The following COQ8A variants were observed in gnomAD, a reference collection of about 807,000 sequenced individuals.
COQ8A encodes atypical kinase COQ8A, mitochondrial.
A neutral mutation model predicts 65.0 loss-of-function variants in COQ8A; 51 were observed. The ratio of observed to expected loss-of-function variants is 0.78; its 90% CI spans 0.63 to 0.99. The LOEUF (loss-of-function observed/expected upper bound fraction) is 0.99. Among genes scored for constraint, COQ8A ranks in the 50% least tolerant of loss-of-function variants. The pLI is 0.00. For missense variants in COQ8A, 940 were observed against 875.0 expected, an observed-to-expected ratio of 1.07 and a Z score of -0.94; for synonymous variants, 371 against 353.2, an observed-to-expected ratio of 1.05 and a Z score of -0.57.
At chr1:226,977,321 C>G in intron 4 of COQ8A, 128 bp from the exon 5 acceptor site, 1 of 795,018 alleles carries the variant, frequency 1.3e-6, no homozygotes, top group Non-Finnish European at 2.0e-6. Flanking sequence ...TTTCAAAATG[C>G]TGGTGTGGCA....
intron 4 of COQ8A, among the ~76,000 whole-genome samples, chr1:226,966,279 G>A (rs1179506532): frequency 1.3e-5 from 2 of 152,218 alleles, no homozygotes; most frequent in African/African-American, 4.8e-5. Flanking sequence ...CCGTTTGTCT[G>A]TACTTTGGGG....
At chr1:226,969,532 G>A (rs556952089) in intron 4 of COQ8A, among the ~76,000 whole-genome samples, 3 of 152,096 alleles carry the variant, frequency 2.0e-5, no homozygotes, top group Non-Finnish European at 4.4e-5. Flanking sequence ...CACCGCGCCC[G>A]GCCAGATTTA....
chr1:226,978,788 C>A (rs1659491890), intron 5 of COQ8A, among the ~76,000 whole-genome samples: 1 of 109,002 alleles, frequency 9.2e-6, no homozygotes, highest in East Asian at 2.6e-4. Context: ...ACACACCCAC[C>A]TCTCACCCGC....
intron 4 of COQ8A, 127 bp downstream of exon 4, chr1:226,965,864 G>A (rs1219174228): frequency 3.1e-6 from 3 of 961,148 alleles, no homozygotes; most frequent in East Asian, 2.6e-5. Context: ...GGCGGTGGCC[G>A]CCCCTGCATG....
chr1:226,960,421 T>TTGGTGGTGATGGTACTTGG (rs1658145487), intron 1 of COQ8A, among the ~76,000 whole-genome samples: 2 of 135,904 alleles, frequency 1.5e-5, no homozygotes, highest in Non-Finnish European at 3.1e-5. Flanking sequence ...GCGGTGGTAC[T>TTGGTGGTGATGGTACTTGG]TGGTGGTGGT....
intron 14 of COQ8A, among the ~76,000 whole-genome samples, chr1:226,986,037 C>T (rs1449733231): frequency 1.3e-5 from 2 of 152,182 alleles, no homozygotes; most frequent in African/African-American, 4.8e-5. Flanking sequence ...CGGCGGCTTC[C>T]TTAGGTTGCT....
At chr1:226,986,370 C>T (rs1660112817) in intron 14 of COQ8A, 83 bp from the exon 15 acceptor site, 19 of 1,468,740 alleles carry the variant, frequency 1.3e-5, no homozygotes, top group East Asian at 4.5e-5. Context: ...GAGAACTCAG[C>T]GCCCCGGGCA....
chr1:226,961,305 T>G, intron 1 of COQ8A, 72 bp from the exon 2 acceptor site: 1 of 1,509,618 alleles, frequency 6.6e-7, no homozygotes, highest in Non-Finnish European at 9.2e-7. Context: ...CAGAGTTTGG[T>G]GTGGAGTTGG....
rs376478331 is a variant in COQ8A at position 226,986,495 on chromosome 1, G to A, written c.1702G>A (p.Glu568Lys). 1 of 1,613,450 alleles carries A rather than the reference G, an allele frequency of 6.2e-7. No individual in the cohort carries two copies. The highest frequency in any genetic ancestry group is 2.2e-5 in the East Asian group (1 of 44,838). ...AHLDAILILGEAFASDEPFDF... is the reference protein window; with the variant it reads ...AHLDAILILGKAFASDEPFDF... ...CTTGGATGCCATCCTCATCCTGGGG[G>A]AGGCCTTCGCCTCTGATGAGCCTTT... The change falls in exon 15 of 15, where the codon GAG (glutamate) becomes AAG (lysine). Residue 568 changes from glutamate (E) to lysine (K), a missense_variant. Physicochemically the swap from Glu to Lys is moderately conservative, Grantham distance 56 (BLOSUM62 1). Coordinates refer to ENST00000366777, the MANE Select transcript of COQ8A (RefSeq NM_020247.5).
intron 6 of COQ8A, 72 bp downstream of exon 6, chr1:226,982,221 G>A: frequency 2.0e-6 from 3 of 1,529,348 alleles, no homozygotes; most frequent in South Asian, 1.2e-5. Context: ...AGGGCCGGGA[G>A]CAGTGGCCCC....
intron 4 of COQ8A, among the ~76,000 whole-genome samples, chr1:226,973,489 G>A (rs115566083): frequency 0.01 from 1,541 of 152,318 alleles, 30 homozygotes; most frequent in African/African-American, 0.034. Context: ...AGCCTGGCCA[G>A]GCTCTGTAAT....
chr1:226,965,420 G>T lies in COQ8A; in HGVS notation c.588+10G>T. The T allele has an allele frequency of 6.2e-7, 1 of 1,604,000 alleles. No individual in the cohort carries two copies. Among genetic ancestry groups the T allele is most frequent in the Non-Finnish European group, 8.5e-7 (1 of 1,176,842 alleles). ...GCAGCACAAACAGACGGTGCGTATG[G>T]GAGGCCCCTGGAGGGCCGAGGTAGC... On this transcript the variant is annotated intron_variant, in intron 3 of 14. Coordinates refer to ENST00000366777, the MANE Select transcript of COQ8A (RefSeq NM_020247.5).
At chr1:226,955,228 G>A (rs1043477452) in intron 1 of COQ8A, among the ~76,000 whole-genome samples, 6 of 151,990 alleles carry the variant, frequency 3.9e-5, no homozygotes, top group African/African-American at 9.7e-5. Flanking sequence ...AGTTTGGGAC[G>A]TACTTCCTAT....
chr1:226,979,483 C>CT (rs979978518), intron 5 of COQ8A, among the ~76,000 whole-genome samples: 1 of 151,950 alleles, frequency 6.6e-6, no homozygotes, highest in Non-Finnish European at 1.5e-5. Flanking sequence ...GGATCTTCCT[C>CT]AATGCCTCTG....
intron 12 of COQ8A, 54 bp from the exon 13 acceptor site, chr1:226,984,822 C>G: frequency 6.3e-7 from 1 of 1,592,414 alleles, no homozygotes; most frequent in Non-Finnish European, 8.6e-7. Context: ...CGGCCCCACA[C>G]ACCCGCACCA....
Position 226,982,948 on chromosome 1 carries a change from G to A in COQ8A, c.994G>A (p.Glu332Lys), listed in dbSNP as rs747548028. 8 of 1,609,746 alleles carry A rather than the reference G, an allele frequency of 5.0e-6. No individual in the cohort carries two copies. Among genetic ancestry groups the A allele is most frequent in the East Asian group, 2.2e-5 (1 of 44,650 alleles). Residue 332 changes from glutamate to lysine, a missense_variant, in exon 8 of 15, where the codon GAG becomes AAG. Transcript: ENST00000366777. ...CTGGCGGGACAAGTTGGAATACTTC[G>A]AGGAGCGGCCCTTCGCCGCCGCATC... is the stretch of plus-strand genomic sequence containing the variant. Reference protein sequence around the residue: ...PNWRDKLEYFEERPFAAASIG... With the variant: ...PNWRDKLEYFKERPFAAASIG...
At chr1:226,981,446 G>C (rs1659681974) in intron 5 of COQ8A, among the ~76,000 whole-genome samples, 1 of 152,242 alleles carries the variant, frequency 6.6e-6, no homozygotes, top group Non-Finnish European at 1.5e-5. Context: ...TGAGCTGCAG[G>C]GGGCCTCTGT....
intron 4 of COQ8A, among the ~76,000 whole-genome samples, chr1:226,973,102 G>T (rs1269598189): frequency 6.6e-6 from 1 of 152,244 alleles, no homozygotes; most frequent in Non-Finnish European, 1.5e-5. Flanking sequence ...TGTTGACAGG[G>T]CTGCATACAA....
At chr1:226,956,027 T>C (rs1305975092) in intron 1 of COQ8A, among the ~76,000 whole-genome samples, 10 of 108,564 alleles carry the variant, frequency 9.2e-5, no homozygotes, top group African/African-American at 2.9e-4. Context: ...CTCTCCCTGG[T>C]TCACACTCTC....
Sources: gnomAD v4.1 joint callset for allele counts (sites outside exome capture counted in the v4.1 genomes callset) on GRCh38, gnomAD v4.1.1 for gene constraint, MANE v1.5 for transcripts, NCBI Gene and HGNC (gene_info 2026-07-23, HGNC 2026-07-21) for gene names.